The following ANAPC15 variants were observed in gnomAD, a reference collection of about 807,000 sequenced individuals.
ANAPC15 encodes the protein anaphase-promoting complex subunit 15.
In ANAPC15, 13 loss-of-function variants were observed where a neutral mutation model predicts 19.8. The ratio of observed to expected loss-of-function variants is 0.66; its 90% CI spans 0.43 to 1.04. The LOEUF (loss-of-function observed/expected upper bound fraction) is 1.04, where lower values mean the gene tolerates loss of function less well. ANAPC15 is among the 50% of genes least tolerant of loss of function. The pLI is 0.00. For synonymous variants in ANAPC15, 45 were observed against 50.7 expected, an observed-to-expected ratio of 0.89 and a Z score of 0.47; for missense variants, 88 against 150.3, an observed-to-expected ratio of 0.59 and a Z score of 2.17.
downstream of ANAPC15, chr11:72,108,639 T>A: frequency 2.7e-6 from 4 of 1,500,400 alleles, no homozygotes; most frequent in Non-Finnish European, 3.6e-6. Context: ...GAGGACGTGA[T>A]CCCGTGCCTA....
rs1264233713 is a variant in ANAPC15 at position 72,109,774 on chromosome 11, C to G, written c.*107G>C. 7 of 1,429,326 alleles carry G rather than the reference C, an allele frequency of 4.9e-6. No individual in the cohort carries two copies. The Admixed American group carries it at 5.1e-5, about 10-fold the overall frequency. The allele number at this position is 1,429,326 out of a possible 1,614,324, so 88.5% of individuals were successfully genotyped here. ...CTGAGGAGGTGCCCAAGGGCACTTT[C>G]AGGCACTGGGGCCATCAGCTGGTTC... On this transcript the variant is annotated 3_prime_UTR_variant, in exon 6 of 6. Coordinates refer to ENST00000227618, the MANE Select transcript of ANAPC15 (RefSeq NM_014042.3).
At chr11:72,107,939 G>T, downstream of ANAPC15, 1 of 1,551,726 alleles carries the variant, frequency 6.4e-7, no homozygotes, top group Non-Finnish European at 8.7e-7. Flanking sequence ...TCCTGATGCG[G>T]CTGGTGGAGG....
chr11:72,110,640 C>G (rs1946552192), intron 3 of ANAPC15, 37 bp from the exon 4 acceptor site: 1 of 1,613,540 alleles, frequency 6.2e-7, no homozygotes, highest in East Asian at 2.2e-5. Context: ...GGCCAGAGCC[C>G]AAGTAGGGCA....
At position 72,109,892 on chromosome 11, in the gene ANAPC15, AC is replaced by A. The variant is rs1472776388; in HGVS notation, c.354del (p.Gln118HisfsTer3). 2 of 1,613,864 alleles carry A rather than the reference AC, an allele frequency of 1.2e-6. No individual in the cohort carries two copies. Reference protein sequence around the residue: ...DMEGNEQDQDQWMI With the variant: ...DMEGNEQDQDXWMI ...CCTGCCTTGTCTACCTAGATCATCCACTGGTCCTGATCCTGTTCGTTGCCTT... is the reference window on the plus strand; with the variant it reads ...CCTGCCTTGTCTACCTAGATCATCCATGGTCCTGATCCTGTTCGTTGCCTT... On this transcript the variant is annotated frameshift_variant, in exon 6 of 6. Coordinates refer to ENST00000227618, the MANE Select transcript of ANAPC15 (RefSeq NM_014042.3). LOFTEE classifies it high-confidence loss of function.
At chr11:72,110,290 A>C in intron 4 of ANAPC15, 65 bp from the exon 5 acceptor site, 1 of 1,605,192 alleles carries the variant, frequency 6.2e-7, no homozygotes, top group Non-Finnish European at 8.5e-7. Flanking sequence ...GAACTGACCC[A>C]CTTGAGCCTC....
At chr11:72,110,051 C>T in intron 5 of ANAPC15, 37 bp downstream of exon 5, 1 of 1,614,030 alleles carries the variant, frequency 6.2e-7, no homozygotes, top group Non-Finnish European at 8.5e-7. Flanking sequence ...GAGCAAGGGT[C>T]CAGGAACAGA....
downstream of ANAPC15, chr11:72,107,889 C>T (rs559262276): frequency 6.4e-7 from 1 of 1,550,884 alleles, no homozygotes; most frequent in African/African-American, 1.4e-5. Flanking sequence ...CATCCATCTC[C>T]CATGTCTTCT....
downstream of ANAPC15, chr11:72,108,745 C>T: frequency 1.3e-6 from 2 of 1,550,522 alleles, no homozygotes; most frequent in Non-Finnish European, 1.7e-6. Flanking sequence ...AGGCCCATGC[C>T]CTACTGCCAG....
intron 1 of ANAPC15, chr11:72,112,434 T>A (rs1947269774): frequency 3.8e-6 from 1 of 265,628 alleles, no homozygotes; most frequent in Non-Finnish European, 7.8e-6. Context: ...CTGAAAGAAA[T>A]GCTGGGTGAC....
At chr11:72,109,289 G>C, downstream of ANAPC15, 1 of 472,152 alleles carries the variant, frequency 2.1e-6, no homozygotes, top group Non-Finnish European at 4.2e-6. Context: ...AGAGCTCCAG[G>C]GGCCTCCCAG....
downstream of ANAPC15, chr11:72,107,566 T>C: frequency 1.4e-6 from 1 of 702,040 alleles, no homozygotes; most frequent in Non-Finnish European, 2.6e-6. Context: ...TTGGGATGGC[T>C]GTGATACAGG....
intron 1 of ANAPC15, 124 bp from the exon 2 acceptor site, chr11:72,111,620 A>C (rs1248289175): frequency 4.8e-6 from 1 of 207,632 alleles, no homozygotes; most frequent in Non-Finnish European, 1.0e-5. Flanking sequence ...AGTCAAGTGT[A>C]GGGATAGGAA....
intron 3 of ANAPC15, 85 bp downstream of exon 3, chr11:72,111,072 T>G: frequency 1.0e-6 from 1 of 968,430 alleles, no homozygotes; most frequent in Non-Finnish European, 1.6e-6. Flanking sequence ...CTGGGTAGAT[T>G]TCTGGAGTAA....
rs1475323905 is a variant in ANAPC15 at position 72,109,831 on chromosome 11, G to A, written c.*50C>T. On this transcript the variant is annotated 3_prime_UTR_variant, in exon 6 of 6. Coordinates refer to ENST00000227618, the MANE Select transcript of ANAPC15 (RefSeq NM_014042.3). ...CAGGGGTTGGGGGTTGGGATGCAGG[G>A]TAGTTTGGGCTGGCCTGGAATCTCC... The A allele has an allele frequency of 1.2e-6, 2 of 1,608,008 alleles. No individual in the cohort carries two copies. The highest frequency in any genetic ancestry group is 8.5e-7 in the Non-Finnish European group (1 of 1,176,038).
chr11:72,109,494 T>C (rs1358748821), downstream of ANAPC15: 2 of 386,562 alleles, frequency 5.2e-6, no homozygotes, highest in East Asian at 1.4e-4. Flanking sequence ...CAATTAGGTG[T>C]GGCTGATGTC....
chr11:72,106,380 G>A, downstream of ANAPC15: 3 of 699,184 alleles, frequency 4.3e-6, no homozygotes, highest in East Asian at 2.9e-5. Flanking sequence ...CATTTATTCA[G>A]CAAACATTTA....
chr11:72,108,277 C>T (rs1323614840), downstream of ANAPC15, among the ~76,000 whole-genome samples: 2 of 152,190 alleles, frequency 1.3e-5, no homozygotes, highest in Non-Finnish European at 2.9e-5. Flanking sequence ...TGTCCCAAGT[C>T]ATCTGCACAT....
downstream of ANAPC15, chr11:72,107,846 A>G: frequency 6.7e-7 from 1 of 1,484,676 alleles, no homozygotes; most frequent in South Asian, 1.2e-5. Flanking sequence ...TGAGGCAGGT[A>G]GGCATTTGAG....
At chr11:72,108,485 T>G, downstream of ANAPC15, 1 of 826,600 alleles carries the variant, frequency 1.2e-6, no homozygotes, top group Non-Finnish European at 1.8e-6. Context: ...AGAGGAAATG[T>G]GAGAACACTC....
Sources: allele counts gnomAD v4.1 joint callset (sites outside exome capture counted in the v4.1 genomes callset), GRCh38; gene constraint gnomAD v4.1.1; transcripts MANE v1.5; gene names NCBI Gene and HGNC (gene_info 2026-07-23, HGNC 2026-07-21).